Variants in CHD5 observed in about 807,000 individuals in gnomAD.
The protein encoded by CHD5 is ATP-dependent chromatin remodeler CHD5.
CHD5 carries 69 observed loss-of-function variants against 230.3 expected under a neutral mutation model. The ratio of observed to expected loss-of-function variants is 0.30; its 90% confidence interval spans 0.25 to 0.37. The LOEUF (loss-of-function observed/expected upper bound fraction) is 0.37, where lower values mean the gene tolerates loss of function less well. Ranked by LOEUF, CHD5 falls within the 10% of genes least tolerant of loss-of-function variation. The pLI is 1.00. For missense variants in CHD5, 1,827 were observed against 2,622.8 expected (o/e 0.70, Z 6.63); for synonymous variants, 1,064 against 1,065.9 (o/e 1.00, Z 0.03).
chr1:6,108,985 G>GT (rs998545227), intron 38 of CHD5, among the ~76,000 whole-genome samples: 3 of 151,932 alleles, frequency 2.0e-5, no homozygotes, highest in Admixed American at 6.5e-5. Flanking sequence ...TTGCAAGGGT[G>GT]TATGACTGCA....
intron 1 of CHD5, among the ~76,000 whole-genome samples, chr1:6,177,113 G>A (rs1032907530): frequency 5.3e-5 from 8 of 152,170 alleles, no homozygotes; most frequent in Non-Finnish European, 1.0e-4. Context: ...AAAAAAGATC[G>A]GACAAGTCAT....
In CHD5 at chr1:6,134,134, G is replaced by A; in HGVS notation, c.3138C>T (p.Phe1046=). The part of the protein sequence containing the change: ...LRDEGHRVLI[F]SQMTKMLDLL... ...GTGGGCAGGGGCAGCGCACCTGGGAGAAGATGAGCACACGGTGCCCCTCAT... is the reference window on the plus strand; with the variant it reads ...GTGGGCAGGGGCAGCGCACCTGGGAAAAGATGAGCACACGGTGCCCCTCAT... Residue 1046 remains phenylalanine (F), a synonymous_variant, in exon 20 of 42, where the codon TTC becomes TTT. Transcript: ENST00000262450. The surrounding 1 kb of genome is among the most constrained non-coding windows in gnomAD (Gnocchi z 6.3). 1 of 1,612,746 alleles carries A rather than the reference G, an allele frequency of 6.2e-7. No individual in the cohort carries two copies. The highest frequency in any genetic ancestry group is 8.5e-7 in the Non-Finnish European group (1 of 1,179,878).
intron 5 of CHD5, among the ~76,000 whole-genome samples, chr1:6,152,761 C>T (rs1052178521): frequency 1.3e-5 from 2 of 152,230 alleles, no homozygotes; most frequent in African/African-American, 4.8e-5. Context: ...GCTGCCCTGA[C>T]CGCCTTGCTG....
rs920546396 is a variant in CHD5, at chr1:6,154,604, G to T, written c.745+56C>A. ...TCTGCCCCGTGGCTTCTCCTATAGG[G>T]TCTGAAAGGGACCTCTTCCCAGCGG... On this transcript the variant is annotated intron_variant, in intron 5 of 41. Transcript: ENST00000262450. The surrounding 1 kb of genome is among the most constrained non-coding windows in gnomAD (Gnocchi z 7.0). 2 of 1,489,136 alleles carry T rather than the reference G, an allele frequency of 1.3e-6. No individual in the cohort carries two copies. The highest frequency in any genetic ancestry group is 1.8e-6 in the Non-Finnish European group (2 of 1,110,232). The allele number at this position is 1,489,136 out of a possible 1,614,324, so 92.2% of individuals were successfully genotyped here.
In CHD5 at chr1:6,149,237, AAG is replaced by A. The variant is rs1666959952; in HGVS notation, c.1161+7_1161+8del. On this transcript the variant is annotated splice_region_variant and intron_variant, in intron 8 of 41. Coordinates refer to ENST00000262450, the MANE Select transcript of CHD5 (RefSeq NM_015557.3). ...CCCGCCCCCAGCCCGGGGCTCTGCC[AAG>A]GCTTACACAGTGGGGGCAGCTCCAC... The A allele has an allele frequency of 6.3e-7, 1 of 1,580,602 alleles. No individual in the cohort carries two copies.
intron 40 of CHD5, 50 bp from the exon 41 acceptor site, chr1:6,106,337 G>A (rs759348286): frequency 6.2e-7 from 1 of 1,612,332 alleles, no homozygotes; most frequent in South Asian, 1.1e-5. Context: ...GCAGCAGCAG[G>A]CAGGCCGGGC....
rs544430519 is a variant in CHD5, at chr1:6,140,849, A to T, written c.2436+1279T>A. On this transcript the variant is annotated intron_variant, in intron 15 of 41. Coordinates refer to ENST00000262450, the MANE Select transcript of CHD5 (RefSeq NM_015557.3). ...AATCCATCTCTACAAAAAATTTAGA[A>T]CTTAGCTGAGTGTGGTGGTGTGTAC... Among the ~76,000 whole-genome samples, 3 of 151,984 alleles carry T rather than the reference A, an allele frequency of 2.0e-5. No homozygotes were observed. In the East Asian group the frequency reaches 5.8e-4, roughly 29 times the overall value.
chr1:6,173,325 C>T (rs1265074331), intron 1 of CHD5, among the ~76,000 whole-genome samples: 3 of 151,892 alleles, frequency 2.0e-5, no homozygotes, highest in Non-Finnish European at 4.4e-5. Flanking sequence ...AGGATGGTCT[C>T]GATCTCCTGA....
intron 33 of CHD5, 191 bp from the exon 34 acceptor site, chr1:6,113,189 C>T (rs937461308): frequency 6.6e-5 from 38 of 572,466 alleles, no homozygotes; most frequent in South Asian, 2.6e-4. Flanking sequence ...TTTGGGAGGC[C>T]GAGGCAGGAG....
Position 6,121,016 on chromosome 1 carries a change from CGGAAG to C in CHD5, c.4912+84_4912+88del. 1 of 1,385,458 alleles carries C rather than the reference CGGAAG, an allele frequency of 7.2e-7. No homozygotes were observed. The allele number at this position is 1,385,458 out of a possible 1,614,324, so 85.8% of individuals were successfully genotyped here. On this transcript the variant is annotated intron_variant, in intron 33 of 41. Coordinates refer to ENST00000262450, the MANE Select transcript of CHD5 (RefSeq NM_015557.3). This position sits in a 1 kb window ranked among gnomAD's most constrained non-coding sequence, Gnocchi z 4.5. ...TACCTCTCTGCCAGGGAGAAATGAG[CGGAAG>C]TACAGCCACCTGCCCTTCTCTGAAC...
At chr1:6,143,015 C>T (rs189211444) in intron 13 of CHD5, among the ~76,000 whole-genome samples, 62 of 151,894 alleles carry the variant, frequency 4.1e-4, no homozygotes, top group Non-Finnish European at 7.6e-4. Context: ...CTGGGGCATT[C>T]GCAACGCCCC....
At chr1:6,156,658 C>T (rs1667085946) in intron 3 of CHD5, among the ~76,000 whole-genome samples, 1 of 152,096 alleles carries the variant, frequency 6.6e-6, no homozygotes, top group African/African-American at 2.4e-5. Flanking sequence ...TCTGCTGGGG[C>T]AGGGGCATGG....
rs985375176 is a variant in CHD5, at chr1:6,121,817, G to A, written c.4700-244C>T. On this transcript the variant is annotated intron_variant, in intron 31 of 41. Transcript: ENST00000262450. This position sits in a 1 kb window ranked among gnomAD's most constrained non-coding sequence, Gnocchi z 4.5. The stretch of plus-strand genomic sequence containing the variant: ...GACCAAAGTGAGGGGCTGTCAGGAC[G>A]GGGCCGCACACAGCCGTGGCTGCTC... 6.6e-6 allele frequency among the ~76,000 whole-genome samples: 1 copy of A among 152,192 alleles called. No homozygotes were observed. The highest frequency in any genetic ancestry group is 1.5e-5 in the Non-Finnish European group (1 of 68,034).
intron 38 of CHD5, among the ~76,000 whole-genome samples, chr1:6,108,338 T>G (rs1187095856): frequency 1.7e-5 from 2 of 116,986 alleles, no homozygotes; most frequent in Non-Finnish European, 3.5e-5. Context: ...GGGATGAAGG[T>G]ATGATGAAGG....
intron 33 of CHD5, among the ~76,000 whole-genome samples, chr1:6,118,403 A>C (rs78633354): frequency 6.6e-6 from 1 of 150,644 alleles, no homozygotes; most frequent in African/African-American, 2.4e-5. Flanking sequence ...AAAAAAAGGA[A>C]TGAAGTACTA....
chr1:6,159,501 C>A lies in CHD5; in HGVS notation c.222G>T (p.Glu74Asp). 1 of 1,597,936 alleles carries A rather than the reference C, an allele frequency of 6.3e-7. No individual in the cohort carries two copies. Among genetic ancestry groups the A allele is most frequent in the Non-Finnish European group, 8.5e-7 (1 of 1,170,150 alleles). ...CCAGATCCTCTTCATTCTCTGATAGCTCATCATTGCTCCCCTGGAAAAGAA... is the reference window on the plus strand; with the variant it reads ...CCAGATCCTCTTCATTCTCTGATAGATCATCATTGCTCCCCTGGAAAAGAA... ...KRKKKEGSND[E>D]LSENEEDLEE... The change falls in exon 3 of 42, where the codon GAG becomes GAT. Residue 74 changes from glutamate to aspartate, a missense_variant. Glu to Asp is a conservative substitution (Grantham distance 45). Around this residue, in one of 14 missense-constraint regions of CHD5, gnomAD observed 657 missense variants for 816.4 expected, o/e 0.80. Coordinates refer to ENST00000262450, the MANE Select transcript of CHD5 (RefSeq NM_015557.3).
chr1:6,153,273 G>A (rs994586711), intron 5 of CHD5, among the ~76,000 whole-genome samples: 2 of 152,248 alleles, frequency 1.3e-5, no homozygotes, highest in South Asian at 4.1e-4. Flanking sequence ...TCATGGAATC[G>A]ATAGCTCAGC....
chr1:6,114,540 T>C (rs1289883423), intron 33 of CHD5, among the ~76,000 whole-genome samples: 1 of 151,692 alleles, frequency 6.6e-6, no homozygotes, highest in African/African-American at 2.4e-5. Context: ...GTGATATATA[T>C]ATATATCACA....
At chr1:6,173,403 C>T (rs1279652947) in intron 1 of CHD5, among the ~76,000 whole-genome samples, 3 of 152,010 alleles carry the variant, frequency 2.0e-5, no homozygotes, top group Admixed American at 6.6e-5. Context: ...CGCGCCCGGC[C>T]GAGAGGGGCT....
Sources: gnomAD v4.1 joint callset for allele counts (sites outside exome capture counted in the v4.1 genomes callset) on GRCh38, gnomAD v4.1.1 for gene constraint, gnomAD v4.1.1 regional missense constraint, Gnocchi (gnomAD v3.1) non-coding constraint, MANE v1.5 for transcripts, NCBI Gene and HGNC (gene_info 2026-07-23, HGNC 2026-07-21) for gene names.